SBF2: variants seen among roughly 807,000 people sequenced by gnomAD.
The protein encoded by SBF2 is SET binding factor 2.
Under a neutral mutation model 225.2 loss-of-function variants are expected in SBF2, and 112 were observed. The observed-to-expected ratio is 0.50, with a 90% CI of 0.43 to 0.58. The LOEUF is 0.58. Ranked by LOEUF, SBF2 falls within the 20% of genes least tolerant of loss-of-function variation. The pLI is 0.00. For synonymous variants in SBF2, 763 were observed against 773.3 expected (o/e 0.99, Z 0.22); for missense variants, 1,996 against 2,206.2 (o/e 0.90, Z 1.91).
intron 28 of SBF2, 109 bp from the exon 29 acceptor site, chr11:9,817,133 T>C: frequency 8.5e-7 from 1 of 1,182,134 alleles, no homozygotes; most frequent in East Asian, 2.3e-5. Flanking sequence ...CATAGCAAGC[T>C]GATTAATCTA....
At chr11:9,800,581 G>A (rs1228715103) in intron 32 of SBF2, among the ~76,000 whole-genome samples, 24 of 152,010 alleles carry the variant, frequency 1.6e-4, no homozygotes, top group African/African-American at 5.8e-4. Flanking sequence ...TAATTTTTTT[G>A]TATTTTTAGT....
intron 2 of SBF2, among the ~76,000 whole-genome samples, chr11:10,175,839 G>C (rs1366914967): frequency 6.6e-6 from 1 of 151,808 alleles, no homozygotes; most frequent in Non-Finnish European, 1.5e-5. Context: ...AATCAAACTA[G>C]AACTCAGGAT....
At chr11:10,133,057 C>A (rs1954148958) in intron 2 of SBF2, among the ~76,000 whole-genome samples, 1 of 146,580 alleles carries the variant, frequency 6.8e-6, no homozygotes, top group African/African-American at 2.5e-5. Flanking sequence ...GGTGTATTTA[C>A]AATCCTTGAG....
At chr11:9,910,683 A>T (rs893117907) in intron 16 of SBF2, among the ~76,000 whole-genome samples, 3 of 151,862 alleles carry the variant, frequency 2.0e-5, no homozygotes, top group African/African-American at 7.3e-5. Context: ...CTTCATTTTT[A>T]ATGAACAAGT....
chr11:9,834,630 G>A (rs968921516), intron 26 of SBF2, among the ~76,000 whole-genome samples: 3 of 152,192 alleles, frequency 2.0e-5, no homozygotes, highest in African/African-American at 7.2e-5. Context: ...GATCTAGGAA[G>A]CTGTGGCCTG....
intron 1 of SBF2, among the ~76,000 whole-genome samples, chr11:10,219,356 C>G (rs1958253923): frequency 6.6e-6 from 1 of 152,162 alleles, no homozygotes; most frequent in Admixed American, 6.5e-5. Flanking sequence ...TGGCTGGACG[C>G]AGGGCACCAA....
intron 1 of SBF2, among the ~76,000 whole-genome samples, chr11:10,264,607 T>G (rs1027648781): frequency 2.0e-5 from 3 of 152,214 alleles, no homozygotes; most frequent in Non-Finnish European, 4.4e-5. Context: ...TATTATACTT[T>G]AAGTTCTGAG....
chr11:10,008,336 G>A (rs1948291244), intron 6 of SBF2, among the ~76,000 whole-genome samples: 1 of 152,104 alleles, frequency 6.6e-6, no homozygotes, highest in Non-Finnish European at 1.5e-5. Context: ...AGGGCAACTG[G>A]TCCTACAGGA....
chr11:10,276,063 T>C (rs745526453), intron 1 of SBF2, among the ~76,000 whole-genome samples: 11 of 152,162 alleles, frequency 7.2e-5, no homozygotes, highest in Non-Finnish European at 2.9e-5. Context: ...TCAATTTGCA[T>C]AGTTTTTTAC....
intron 13 of SBF2, among the ~76,000 whole-genome samples, chr11:9,968,891 G>C (rs1044757522): frequency 4.0e-5 from 6 of 151,896 alleles, no homozygotes; most frequent in African/African-American, 1.5e-4. Context: ...TTCATTCCTT[G>C]GTGATCACTT....
chr11:10,288,102 G>A (rs897650048), intron 1 of SBF2, among the ~76,000 whole-genome samples: 1 of 152,196 alleles, frequency 6.6e-6, no homozygotes, highest in Non-Finnish European at 1.5e-5. Flanking sequence ...CCCAAAGAAG[G>A]AGTCACAGCC....
chr11:9,991,075 T>C (rs1305173540), intron 12 of SBF2, among the ~76,000 whole-genome samples: 2 of 152,174 alleles, frequency 1.3e-5, no homozygotes, highest in Admixed American at 1.3e-4. Flanking sequence ...AAAATGTAGG[T>C]GCTAGAAAAG....
At chr11:10,153,579 G>A (rs1955325754) in intron 2 of SBF2, among the ~76,000 whole-genome samples, 1 of 152,052 alleles carries the variant, frequency 6.6e-6, no homozygotes, top group African/African-American at 2.4e-5. Context: ...AGGAATAAAG[G>A]TCTCCAATCA....
chr11:9,882,795 CA>C (rs56699466), intron 17 of SBF2, among the ~76,000 whole-genome samples: 693 of 89,842 alleles, frequency 7.7e-3, no homozygotes, highest in East Asian at 0.017. Flanking sequence ...GTGACAGAGT[CA>C]AAAAAAAAAA....
In SBF2 at chr11:9,939,299, C is replaced by T. The variant is rs915300211; in HGVS notation, c.1860+22658G>A. On this transcript the variant is annotated intron_variant, in intron 16 of 39. Coordinates refer to ENST00000256190, the MANE Select transcript of SBF2 (RefSeq NM_030962.4). ...TTTAAGTAGAGACGGGGTTTCACCACCTTGGCCAGGCTGGTGTTGATCTCC... is the reference window on the plus strand; with the variant it reads ...TTTAAGTAGAGACGGGGTTTCACCATCTTGGCCAGGCTGGTGTTGATCTCC... 7.9e-5 allele frequency among the ~76,000 whole-genome samples: 12 copies of T among 152,198 alleles called. No individual in the cohort carries two copies. In the South Asian group the frequency reaches 2.3e-3, roughly 29 times the overall value.
At chr11:9,938,493 T>G (rs1046566753) in intron 16 of SBF2, among the ~76,000 whole-genome samples, 99 of 151,608 alleles carry the variant, frequency 6.5e-4, no homozygotes, top group African/African-American at 2.0e-3. Context: ...CAATGTAGGA[T>G]AATTTGCTTT....
At chr11:10,197,315 C>T (rs11042663) in intron 1 of SBF2, among the ~76,000 whole-genome samples, 14,455 of 152,080 alleles carry the variant, frequency 0.095, 940 homozygotes, top group East Asian at 0.28. Flanking sequence ...TTGGTTCCAG[C>T]CCACAGCAAT....
At position 10,031,173 on chromosome 11, in the gene SBF2, A is replaced by T; in HGVS notation, c.280-3T>A. Reference sequence around the variant, plus strand: ...TCAATCTCTTCCTTCTTTGTTCCCTAGAAAAAGAGACACTGAAATCAACAA... The same window carrying T: ...TCAATCTCTTCCTTCTTTGTTCCCTTGAAAAAGAGACACTGAAATCAACAA... On this transcript the variant is annotated splice_region_variant and splice_polypyrimidine_tract_variant and intron_variant, in intron 3 of 39. Coordinates refer to ENST00000256190, the MANE Select transcript of SBF2 (RefSeq NM_030962.4). 6.2e-7 allele frequency: 1 copy of T among 1,613,158 alleles called. No individual in the cohort carries two copies. The highest frequency in any genetic ancestry group is 1.1e-5 in the South Asian group (1 of 91,010).
At chr11:10,084,682 T>C (rs1257718999) in intron 2 of SBF2, among the ~76,000 whole-genome samples, 1 of 152,180 alleles carries the variant, frequency 6.6e-6, no homozygotes, top group Non-Finnish European at 1.5e-5. Context: ...GAAACCAAAC[T>C]AAGTGTCCAT....
Sources: allele counts gnomAD v4.1 joint callset (sites outside exome capture counted in the v4.1 genomes callset), GRCh38; gene constraint gnomAD v4.1.1; transcripts MANE v1.5; gene names NCBI Gene and HGNC (gene_info 2026-07-23, HGNC 2026-07-21).